The following MYO5B variants were observed in gnomAD, a reference collection of about 807,000 sequenced individuals.
The protein encoded by MYO5B is unconventional myosin-Vb.
A neutral mutation model predicts 229.3 loss-of-function variants in MYO5B; 143 were observed. The observed-to-expected ratio is 0.62, with a 90% CI of 0.54 to 0.72. MYO5B has a LOEUF of 0.72. Among genes scored for constraint, MYO5B ranks in the 30% least tolerant of loss-of-function variants. The pLI, the probability that MYO5B is intolerant of heterozygous loss-of-function variation, is 0.00. For missense variants in MYO5B, 2,321 were observed against 2,331.0 expected, an observed-to-expected ratio of 1.00 and a Z score of 0.09; for synonymous variants, 918 against 885.2, an observed-to-expected ratio of 1.04 and a Z score of -0.66.
chr18:49,932,851 C>T (rs60496909), intron 16 of MYO5B, among the ~76,000 whole-genome samples: 2,026 of 152,258 alleles, frequency 0.013, 34 homozygotes, highest in African/African-American at 0.046. Context: ...TCAAATGCAT[C>T]TCTCAATCCG....
intron 39 of MYO5B, among the ~76,000 whole-genome samples, chr18:49,834,208 C>A (rs2023958835): frequency 6.6e-6 from 1 of 152,150 alleles, no homozygotes. Context: ...GGTTCTTGTA[C>A]AAAGCTCCAT....
chr18:50,081,547 A>T (rs1038435924), intron 1 of MYO5B, among the ~76,000 whole-genome samples: 1 of 152,156 alleles, frequency 6.6e-6, no homozygotes, highest in African/African-American at 2.4e-5. Context: ...ACTGTAATAC[A>T]ATTTAAAAGC....
intron 14 of MYO5B, among the ~76,000 whole-genome samples, chr18:49,939,656 T>A (rs2025292377): frequency 6.6e-6 from 1 of 152,156 alleles, no homozygotes; most frequent in Admixed American, 6.6e-5. Flanking sequence ...AGCACAATGG[T>A]CAGCACCAGC....
chr18:49,865,258 AG>A (rs2024383055), intron 27 of MYO5B, among the ~76,000 whole-genome samples: 1 of 152,188 alleles, frequency 6.6e-6, no homozygotes, highest in Non-Finnish European at 1.5e-5. Context: ...GAAGGCTCAC[AG>A]CAAGTTTAGA....
chr18:50,018,111 GC>G (rs1436286017), intron 4 of MYO5B, among the ~76,000 whole-genome samples: 1 of 152,076 alleles, frequency 6.6e-6, no homozygotes, highest in Non-Finnish European at 1.5e-5. Flanking sequence ...ACAGGGTCTG[GC>G]TGTCTTGTCC....
chr18:49,996,008 G>C (rs553015470), intron 5 of MYO5B, among the ~76,000 whole-genome samples: 16 of 152,206 alleles, frequency 1.1e-4, no homozygotes, highest in Non-Finnish European at 1.9e-4. Context: ...CCAGTTGGTG[G>C]AAAATTCTAA....
At chr18:50,127,520 G>A (rs1357004559) in intron 1 of MYO5B, among the ~76,000 whole-genome samples, 1 of 152,180 alleles carries the variant, frequency 6.6e-6, no homozygotes, top group African/African-American at 2.4e-5. Flanking sequence ...GTCCTCAGCT[G>A]AAAGAGAACA....
intron 1 of MYO5B, among the ~76,000 whole-genome samples, chr18:50,078,543 A>G (rs1001286458): frequency 1.3e-5 from 2 of 152,216 alleles, no homozygotes; most frequent in African/African-American, 4.8e-5. Flanking sequence ...ATGAGATACC[A>G]TTACACACAC....
intron 14 of MYO5B, among the ~76,000 whole-genome samples, chr18:49,951,574 CG>C (rs1402749792): frequency 6.6e-6 from 1 of 152,072 alleles, no homozygotes; most frequent in Non-Finnish European, 1.5e-5. Context: ...CAGAGTTTTC[CG>C]GGCACCACTC....
intron 29 of MYO5B, among the ~76,000 whole-genome samples, chr18:49,861,993 A>G (rs2024335635): frequency 1.4e-5 from 2 of 141,360 alleles, no homozygotes; most frequent in East Asian, 2.1e-4. Flanking sequence ...GGCCAGCTCC[A>G]TGTTTTTTTT....
intron 14 of MYO5B, among the ~76,000 whole-genome samples, chr18:49,947,566 C>A (rs2025388459): frequency 6.6e-6 from 1 of 152,170 alleles, no homozygotes; most frequent in Non-Finnish European, 1.5e-5. Context: ...CAGATCAGGG[C>A]AATTGACAAA....
intron 1 of MYO5B, among the ~76,000 whole-genome samples, chr18:50,074,723 T>C (rs2031038530): frequency 6.6e-6 from 1 of 152,192 alleles, no homozygotes; most frequent in Admixed American, 6.5e-5. Context: ...ATCCCCACTA[T>C]CAGATTTTCT....
chr18:50,101,133 C>A (rs2031646715), intron 1 of MYO5B, among the ~76,000 whole-genome samples: 1 of 152,162 alleles, frequency 6.6e-6, no homozygotes, highest in African/African-American at 2.4e-5. Context: ...AGTGTTCTCA[C>A]CACAAAACAA....
chr18:49,977,673 C>A (rs2025766907), intron 9 of MYO5B, among the ~76,000 whole-genome samples: 1 of 152,192 alleles, frequency 6.6e-6, no homozygotes, highest in South Asian at 2.1e-4. Context: ...GGCCCTGTCC[C>A]ACCTTTGCCA....
intron 1 of MYO5B, among the ~76,000 whole-genome samples, chr18:50,065,689 G>T (rs2030802608): frequency 6.6e-6 from 1 of 152,134 alleles, no homozygotes. Flanking sequence ...GGCCCTTCAA[G>T]GATCCCGGAC....
In MYO5B at chr18:49,856,033, C is replaced by T. The variant is rs370007482; in HGVS notation, c.4022+780G>A. 1.1e-4 allele frequency among the ~76,000 whole-genome samples: 17 copies of T among 152,336 alleles called. No individual in the cohort carries two copies. The East Asian group carries it at 1.7e-3, about 16-fold the overall frequency. On this transcript the variant is annotated intron_variant, in intron 30 of 39. Coordinates refer to ENST00000285039, the MANE Select transcript of MYO5B (RefSeq NM_001080467.3). ...AAAGCTATGCCACAGCTCTTAAAAG[C>T]CACCTGCAGTCAACTGGCCTATGGT...
At chr18:49,903,659 G>GA (rs1415769073) in intron 20 of MYO5B, among the ~76,000 whole-genome samples, 1 of 152,134 alleles carries the variant, frequency 6.6e-6, no homozygotes, top group African/African-American at 2.4e-5. Context: ...TTATTATTTA[G>GA]AAAATCACAC....
chr18:50,009,938 G>A (rs1470692150), intron 4 of MYO5B, among the ~76,000 whole-genome samples: 1 of 152,126 alleles, frequency 6.6e-6, no homozygotes, highest in Non-Finnish European at 1.5e-5. Flanking sequence ...GGGTGAAAAT[G>A]GCAGAGGGAT....
chr18:49,885,258 C>A (rs2024630085), intron 22 of MYO5B, among the ~76,000 whole-genome samples: 1 of 152,198 alleles, frequency 6.6e-6, no homozygotes, highest in South Asian at 2.1e-4. Context: ...CTCGTCTCAA[C>A]CTGTGTAGAA....
Sources: gnomAD v4.1 joint callset for allele counts (sites outside exome capture counted in the v4.1 genomes callset) on GRCh38, gnomAD v4.1.1 for gene constraint, MANE v1.5 for transcripts, NCBI Gene and HGNC (gene_info 2026-07-23, HGNC 2026-07-21) for gene names.